VPS50: variants seen among roughly 807,000 people sequenced by gnomAD.
The protein encoded by VPS50 is syndetin.
Under a neutral mutation model 139.7 loss-of-function variants are expected in VPS50, and 70 were observed. The ratio of observed to expected loss-of-function variants is 0.50; its 90% CI spans 0.41 to 0.61. The LOEUF is 0.61. VPS50 is among the 20% of genes least tolerant of loss of function. The pLI, the probability that VPS50 is intolerant of heterozygous loss-of-function variation, is 0.00. For missense variants in VPS50, 921 were observed against 1,133.7 expected (o/e 0.81, Z 2.69); for synonymous variants, 365 against 376.7 (o/e 0.97, Z 0.36).
intron 21 of VPS50, among the ~76,000 whole-genome samples, chr7:93,326,947 A>C (rs1461967991): frequency 6.6e-6 from 1 of 152,224 alleles, no homozygotes; most frequent in African/African-American, 2.4e-5. Flanking sequence ...AAGAATGCTA[A>C]TATGACCAGT....
At chr7:93,241,817 G>T (rs1394851437) in intron 2 of VPS50, among the ~76,000 whole-genome samples, 5 of 151,996 alleles carry the variant, frequency 3.3e-5, no homozygotes, top group African/African-American at 1.2e-4. Context: ...ATTTAGATAA[G>T]ACTTTATACT....
chr7:93,341,650 C>T (rs916836575), intron 23 of VPS50, 75 bp downstream of exon 23: 12 of 973,878 alleles, frequency 1.2e-5, no homozygotes, highest in Non-Finnish European at 1.8e-5. Context: ...TTTAATTAGA[C>T]TTCTAGTTAG....
rs1479497824 is a variant in VPS50 at position 93,360,661 on chromosome 7, A to ATTTATTAT, written c.*2229_*2236dup. On this transcript the variant is annotated 3_prime_UTR_variant, in exon 28 of 28. Transcript: ENST00000305866. The stretch of plus-strand genomic sequence containing the variant: ...GTTCCAAAAACTATCATTACCAAAA[A>ATTTATTAT]TTTATTATTTTTGAGTCTAAACTTT... 1 of 152,052 alleles carries ATTTATTAT rather than the reference A, an allele frequency of 6.6e-6. No individual in the cohort carries two copies. Among genetic ancestry groups the ATTTATTAT allele is most frequent in the Non-Finnish European group, 1.5e-5 (1 of 67,984 alleles). The allele number at this position is 152,052 out of a possible 1,614,324, so 9.4% of individuals were successfully genotyped here.
rs532408474 is a variant in VPS50 at position 93,269,974 on chromosome 7, C to T, written c.660-1246C>T. 8.6e-5 allele frequency among the ~76,000 whole-genome samples: 13 copies of T among 151,984 alleles called. No homozygotes were observed. In the South Asian group the frequency reaches 2.5e-3, roughly 29 times the overall value. On this transcript the variant is annotated intron_variant, in intron 9 of 27. Coordinates refer to ENST00000305866, the MANE Select transcript of VPS50 (RefSeq NM_017667.4). ...AAACCTTTGATTTTGGTGTGCTAAA[C>T]GTCTTTCACTTGTTTGTACTATTTT...
chr7:93,257,946 C>G (rs1795539637), intron 6 of VPS50, among the ~76,000 whole-genome samples: 2 of 151,994 alleles, frequency 1.3e-5, no homozygotes, highest in South Asian at 4.1e-4. Context: ...TTATAGACCA[C>G]TAGCAGGTTG....
At chr7:93,341,088 T>C (rs1798196297) in intron 22 of VPS50, among the ~76,000 whole-genome samples, 1 of 152,190 alleles carries the variant, frequency 6.6e-6, no homozygotes, top group Non-Finnish European at 1.5e-5. Flanking sequence ...CAAGGGGTAA[T>C]CATATTTCTC....
intron 23 of VPS50, among the ~76,000 whole-genome samples, chr7:93,342,579 T>C (rs1007253223): frequency 6.6e-6 from 1 of 152,206 alleles, no homozygotes; most frequent in Non-Finnish European, 1.5e-5. Flanking sequence ...AATGTCCCTG[T>C]CTGACAGCTT....
chr7:93,309,199 A>G lies in VPS50; in HGVS notation c.1748+257A>G, dbSNP rs371979712. 8.5e-5 allele frequency among the ~76,000 whole-genome samples: 13 copies of G among 152,102 alleles called. 1 individual carries two copies. In the East Asian group the frequency reaches 1.9e-3, roughly 23 times the overall value. ...TCTGCCTTGCAAAACCTTTGCTGGT[A>G]TCTCACAGATCAGTTCATCTAACTG... On this transcript the variant is annotated intron_variant, in intron 19 of 27. Transcript: ENST00000305866.
At chr7:93,297,316 T>C in intron 16 of VPS50, 73 bp downstream of exon 16, 1 of 1,315,372 alleles carries the variant, frequency 7.6e-7, no homozygotes, top group Non-Finnish European at 9.9e-7. Flanking sequence ...CTTAATCTTA[T>C]AGCATTAATT....
intron 13 of VPS50, 89 bp from the exon 14 acceptor site, chr7:93,294,456 A>G: frequency 8.9e-7 from 1 of 1,128,092 alleles, no homozygotes; most frequent in South Asian, 1.9e-5. Context: ...ACATAGACTT[A>G]CAATGTGTGA....
In VPS50 at chr7:93,358,625, A is replaced by C; in HGVS notation, c.*189A>C. 2.0e-6 allele frequency: 1 copy of C among 504,388 alleles called. No homozygotes were observed. Among genetic ancestry groups the C allele is most frequent in the Non-Finnish European group, 3.6e-6 (1 of 280,374 alleles). The allele number at this position is 504,388 out of a possible 1,614,324, so 31.2% of individuals were successfully genotyped here. ...GACTTTTATATGCTGTGGTCTCTTC[A>C]ACTTTTGGTCTCATTTGTTGTAATC... On this transcript the variant is annotated 3_prime_UTR_variant, in exon 28 of 28. Transcript: ENST00000305866.
chr7:93,232,572 A>T, intron 1 of VPS50, 72 bp downstream of exon 1: 2 of 1,314,120 alleles, frequency 1.5e-6, no homozygotes, highest in Middle Eastern at 2.0e-4. Flanking sequence ...TTCTGTCCCC[A>T]ACCAGTGGCG....
At chr7:93,278,770 G>A (rs1796237181) in intron 12 of VPS50, among the ~76,000 whole-genome samples, 1 of 145,966 alleles carries the variant, frequency 6.9e-6, no homozygotes, top group South Asian at 2.2e-4. Flanking sequence ...CCATATACGT[G>A]TGATAGTAGG....
chr7:93,236,898 A>G (rs1346788975), intron 1 of VPS50, among the ~76,000 whole-genome samples: 2 of 144,086 alleles, frequency 1.4e-5, no homozygotes, highest in Non-Finnish European at 3.0e-5. Context: ...TATATGAGAC[A>G]GTATTTTTGG....
intron 23 of VPS50, among the ~76,000 whole-genome samples, chr7:93,344,197 A>G (rs1300514582): frequency 6.6e-6 from 1 of 152,214 alleles, no homozygotes; most frequent in African/African-American, 2.4e-5. Flanking sequence ...CTGATAAAAC[A>G]GACTTTAAAC....
At chr7:93,297,616 C>T (rs931193445) in intron 16 of VPS50, among the ~76,000 whole-genome samples, 4 of 152,036 alleles carry the variant, frequency 2.6e-5, no homozygotes, top group Admixed American at 6.6e-5. Flanking sequence ...TGAGGGGGTG[C>T]TTGAGAGTAT....
At chr7:93,352,754 T>C (rs1798594879) in intron 25 of VPS50, among the ~76,000 whole-genome samples, 1 of 152,116 alleles carries the variant, frequency 6.6e-6, no homozygotes, top group South Asian at 2.1e-4. Flanking sequence ...GTTGTCTAAA[T>C]CAGGTATATG....
At chr7:93,300,924 AATT>A in intron 16 of VPS50, among the ~76,000 whole-genome samples, 1 of 152,140 alleles carries the variant, frequency 6.6e-6, no homozygotes, top group Non-Finnish European at 1.5e-5. Context: ...ACCTATTAAT[AATT>A]ATGCCAACAA....
At position 93,232,498 on chromosome 7, in the gene VPS50, C is replaced by T. The variant is rs1262084572; in HGVS notation, c.31C>T (p.Gln11Ter). 1 of 1,613,194 alleles carries T rather than the reference C, an allele frequency of 6.2e-7. No individual in the cohort carries two copies. Among genetic ancestry groups the T allele is most frequent in the Admixed American group, 1.7e-5 (1 of 59,986 alleles). MQKIKSLMTR[Q>*]GLKSPQESLS... Reference sequence around the variant, plus strand: ...AAAAATCAAATCTCTCATGACCCGACAGGTAAGTCGCGGCGGCTGAAGCAA... The same window carrying T: ...AAAAATCAAATCTCTCATGACCCGATAGGTAAGTCGCGGCGGCTGAAGCAA... Residue 11 changes from glutamine to a stop codon, truncating the protein, a stop_gained and splice_region_variant, in exon 1 of 28, where the codon CAG (glutamine) becomes TAG (stop). Transcript: ENST00000305866. LOFTEE classifies it high-confidence loss of function.
Sources: gnomAD v4.1 joint callset for allele counts (sites outside exome capture counted in the v4.1 genomes callset) on GRCh38, gnomAD v4.1.1 for gene constraint, MANE v1.5 for transcripts, NCBI Gene and HGNC (gene_info 2026-07-23, HGNC 2026-07-21) for gene names.